LRRK1: variants seen among roughly 807,000 people sequenced by gnomAD.
LRRK1 encodes the protein leucine rich repeat kinase 1.
Under a neutral mutation model 209.1 loss-of-function variants are expected in LRRK1, and 113 were observed. The ratio of observed to expected loss-of-function variants is 0.54; its 90% CI spans 0.46 to 0.63. The LOEUF (loss-of-function observed/expected upper bound fraction) is 0.63, where lower values mean the gene tolerates loss of function less well. LRRK1 is among the 30% of genes least tolerant of loss of function. LRRK1 has a pLI of 0.00. For synonymous variants in LRRK1, 1,144 were observed against 1,099.7 expected, an observed-to-expected ratio of 1.04 and a Z score of -0.80; for missense variants, 2,284 against 2,632.2, an observed-to-expected ratio of 0.87 and a Z score of 2.89.
chr15:100,927,134 A>C (rs2042130429), intron 2 of LRRK1, among the ~76,000 whole-genome samples: 2 of 152,154 alleles, frequency 1.3e-5, no homozygotes, highest in Admixed American at 1.3e-4. Flanking sequence ...GAAATGCAGA[A>C]TCTCATTCAG....
intron 11 of LRRK1, among the ~76,000 whole-genome samples, 153 bp downstream of exon 11, chr15:101,014,581 G>A (rs1283553633): frequency 1.3e-5 from 2 of 152,210 alleles, no homozygotes; most frequent in African/African-American, 2.4e-5. Context: ...ACAGCCCTGG[G>A]GGCTGAAGTC....
intron 6 of LRRK1, among the ~76,000 whole-genome samples, chr15:101,007,975 G>T (rs2033041164): frequency 6.6e-6 from 1 of 151,708 alleles, no homozygotes; most frequent in Non-Finnish European, 1.5e-5. Flanking sequence ...CGACGAACAT[G>T]GTGAAACACC....
chr15:101,010,985 A>G lies in LRRK1; in HGVS notation c.1281+148A>G, dbSNP rs11855250. 9.5e-3 allele frequency: 6,589 copies of G among 690,482 alleles called. 47 individuals carry two copies. Among genetic ancestry groups the G allele is most frequent in the Middle Eastern group, 0.031 (75 of 2,434 alleles). The allele number at this position is 690,482 out of a possible 1,614,324, so 42.8% of individuals were successfully genotyped here. On this transcript the variant is annotated intron_variant, in intron 9 of 33. Transcript: ENST00000388948. ...CGGTTCCCACATTGTAAGCATCGTC[A>G]CTCAGCATACAGCGAGGCTGTGTCC...
Position 101,026,038 on chromosome 15 carries a change from A to C in LRRK1, c.2306A>C (p.Glu769Ala). ...TTAATTGAAGCCAAGTTCCGTGTGG[A>C]AAGGATTGCAACGCTGCGTGCCTAT... is the stretch of plus-strand genomic sequence containing the variant. Reference protein sequence around the residue: ...LDLIEAKFRVERIATLRAYVL... With the variant: ...LDLIEAKFRVARIATLRAYVL... Residue 769 changes from glutamate (E) to alanine (A), a missense_variant, in exon 17 of 34, where the codon GAA (glutamate) becomes GCA (alanine). Coordinates refer to ENST00000388948, the MANE Select transcript of LRRK1 (RefSeq NM_024652.6). 1 of 1,614,236 alleles carries C rather than the reference A, an allele frequency of 6.2e-7. No individual in the cohort carries two copies. The highest frequency in any genetic ancestry group is 1.1e-5 in the South Asian group (1 of 91,082).
chr15:101,008,116 C>G (rs1403085306), intron 6 of LRRK1, among the ~76,000 whole-genome samples: 1 of 136,126 alleles, frequency 7.3e-6, no homozygotes, highest in African/African-American at 2.8e-5. Context: ...GCACTCCAGC[C>G]TGGGCGACAG....
chr15:101,001,147 C>T lies in LRRK1; in HGVS notation c.763-7690C>T, dbSNP rs1195811510. On this transcript the variant is annotated intron_variant, in intron 6 of 33. Transcript: ENST00000388948. ...GGTTCTGTTGTGGCCTTTACATGCA[C>T]AAGGATGCTGGGACAGAGCTGCTGT... 3.9e-5 allele frequency among the ~76,000 whole-genome samples: 6 copies of T among 152,174 alleles called. No homozygotes were observed. In the East Asian group the frequency reaches 5.8e-4, roughly 15 times the overall value.
chr15:100,946,737 A>G (rs915072161), intron 2 of LRRK1, among the ~76,000 whole-genome samples: 4 of 152,218 alleles, frequency 2.6e-5, no homozygotes. Context: ...ACAGTTTTGG[A>G]GTAAAGGATA....
Position 100,924,689 on chromosome 15 carries a change from G to A in LRRK1, c.57G>A (p.Glu19=). Residue 19 remains glutamate (E), a synonymous_variant, in exon 2 of 34, where the codon GAG becomes GAA. Coordinates refer to ENST00000388948, the MANE Select transcript of LRRK1 (RefSeq NM_024652.6). ...TGTACTGGTGTGTGGGGCCGGAGGAGTCAGCTGTGTGTCCAGAACGTGCCA... is the reference window on the plus strand; with the variant it reads ...TGTACTGGTGTGTGGGGCCGGAGGAATCAGCTGTGTGTCCAGAACGTGCCA... ...PSMYWCVGPE[E]SAVCPERAME... 1.2e-6 allele frequency: 2 copies of A among 1,614,192 alleles called. No individual in the cohort carries two copies. The highest frequency in any genetic ancestry group is 1.7e-6 in the Non-Finnish European group (2 of 1,180,032).
chr15:101,066,595 C>T (rs372462290), intron 32 of LRRK1, 45 bp from the exon 33 acceptor site: 21 of 1,571,192 alleles, frequency 1.3e-5, no homozygotes, highest in East Asian at 6.7e-5. Flanking sequence ...CCGGAGAGCA[C>T]GGCTACCGAC....
At position 101,073,599 on chromosome 15, in the gene LRRK1, T is replaced by TTA. The variant is rs199757391; in HGVS notation, c.*4753_*4754dup. 3.0e-3 allele frequency: 456 copies of TTA among 152,172 alleles called. 1 individual carries two copies. Among genetic ancestry groups the TTA allele is most frequent in the African/African-American group, 0.011 (436 of 41,506 alleles). 9.4% of individuals were successfully genotyped at this position (152,172 alleles called of 1,614,324 possible). ...TCCCTTATTTCTGTGCCCCAACCTC[T>TTA]TATCTCTGTGCCCCAATCCCTTATT... On this transcript the variant is annotated 3_prime_UTR_variant, in exon 34 of 34. Coordinates refer to ENST00000388948, the MANE Select transcript of LRRK1 (RefSeq NM_024652.6).
intron 26 of LRRK1, among the ~76,000 whole-genome samples, chr15:101,054,216 C>T (rs1483539991): frequency 6.6e-6 from 1 of 152,168 alleles, no homozygotes; most frequent in South Asian, 2.1e-4. Flanking sequence ...TCAGTCGATC[C>T]CCCCACTTTA....
At chr15:101,034,141 G>A (rs528251140) in intron 20 of LRRK1, among the ~76,000 whole-genome samples, 2 of 152,154 alleles carry the variant, frequency 1.3e-5, no homozygotes, top group Admixed American at 6.5e-5. Context: ...TGAATTTCTT[G>A]TAAATTGTGG....
chr15:101,057,471 G>A (rs919008486), intron 28 of LRRK1, among the ~76,000 whole-genome samples: 1 of 152,204 alleles, frequency 6.6e-6, no homozygotes, highest in Non-Finnish European at 1.5e-5. Context: ...GAAGAGGCTA[G>A]TGGTTTCAAA....
chr15:100,990,562 T>G (rs79334439), intron 6 of LRRK1, among the ~76,000 whole-genome samples: 8,048 of 152,128 alleles, frequency 0.053, 486 homozygotes, highest in African/African-American at 0.15. Flanking sequence ...CAAAAATAAT[T>G]TCTGCTTATT....
chr15:101,016,310 C>G (rs1484101635), intron 12 of LRRK1, among the ~76,000 whole-genome samples: 2 of 149,944 alleles, frequency 1.3e-5, no homozygotes, highest in Non-Finnish European at 3.0e-5. Context: ...TAATACAATA[C>G]AGGATGCCAG....
chr15:101,019,613 G>A (rs930376331), intron 12 of LRRK1, among the ~76,000 whole-genome samples: 4 of 152,188 alleles, frequency 2.6e-5, no homozygotes, highest in African/African-American at 9.7e-5. Flanking sequence ...AGCTACATGT[G>A]TGGAGGAAAG....
chr15:101,075,018 C>T lies in LRRK1; in HGVS notation c.*6170C>T, dbSNP rs1402305905. ...TTGGCTTAGCGGCTGAAGACTGACA[C>T]TGCCCGATCACCTCGGAAGCCCCCT... On this transcript the variant is annotated 3_prime_UTR_variant, in exon 34 of 34. Coordinates refer to ENST00000388948, the MANE Select transcript of LRRK1 (RefSeq NM_024652.6). The T allele has an allele frequency of 8.2e-6, 1 of 122,356 alleles. No individual in the cohort carries two copies. Among genetic ancestry groups the T allele is most frequent in the Admixed American group, 8.0e-5 (1 of 12,478 alleles). 7.6% of individuals were successfully genotyped at this position (122,356 alleles called of 1,614,324 possible).
chr15:100,979,578 A>G (rs77831337), intron 3 of LRRK1, among the ~76,000 whole-genome samples: 3 of 152,292 alleles, frequency 2.0e-5, no homozygotes, highest in African/African-American at 7.2e-5. Context: ...AAAATTGGTA[A>G]ACTGGACCTC....
intron 2 of LRRK1, among the ~76,000 whole-genome samples, chr15:100,928,298 T>C (rs1323900826): frequency 6.6e-6 from 1 of 152,204 alleles, no homozygotes. Flanking sequence ...ATACTTGACT[T>C]ACTATGACTG....
Sources: gnomAD v4.1 joint callset for allele counts (sites outside exome capture counted in the v4.1 genomes callset) on GRCh38, gnomAD v4.1.1 for gene constraint, MANE v1.5 for transcripts, NCBI Gene and HGNC (gene_info 2026-07-23, HGNC 2026-07-21) for gene names.